Variants in GLIS3 observed in about 807,000 individuals in gnomAD.
The protein encoded by GLIS3 is GLIS family zinc finger 3.
Under a neutral mutation model 78.6 loss-of-function variants are expected in GLIS3, and 53 were observed. That is an observed-to-expected ratio of 0.67 (90% confidence interval 0.54 to 0.85). The LOEUF is 0.85. Among genes scored for constraint, GLIS3 ranks in the 40% least tolerant of loss-of-function variants. The pLI, the probability that GLIS3 is intolerant of heterozygous loss-of-function variation, is 0.00. For missense variants in GLIS3, 1,703 were observed against 1,231.1 expected (o/e 1.38, Z -5.74); for synonymous variants, 684 against 509.9 (o/e 1.34, Z -4.60).
At chr9:4,156,205 C>A (rs916742561) in intron 2 of GLIS3, among the ~76,000 whole-genome samples, 6 of 152,264 alleles carry the variant, frequency 3.9e-5, no homozygotes, top group African/African-American at 1.4e-4. Flanking sequence ...CATGACAAAA[C>A]AAACTCTCCT....
Position 3,937,069 on chromosome 9 carries a change from A to T in GLIS3, c.1831T>A (p.Ser611Thr), listed in dbSNP as rs751692334. Residue 611 changes from serine to threonine, a missense_variant, in exon 5 of 11, where the codon TCC (serine) becomes ACC (threonine). Physicochemically the swap from Ser to Thr is moderately conservative, Grantham distance 58. Transcript: ENST00000381971. Reference sequence around the variant, plus strand: ...CGCTGGTGTTTGGCGCGGTCACTGGAGTTACTGAAGGCCTTCTGACAACCC... The same window carrying T: ...CGCTGGTGTTTGGCGCGGTCACTGGTGTTACTGAAGGCCTTCTGACAACCC... The part of the protein sequence containing the change: ...HPGCQKAFSN[S>T]SDRAKHQRTH... 6.2e-7 allele frequency: 1 copy of T among 1,613,628 alleles called. No individual in the cohort carries two copies. Among genetic ancestry groups the T allele is most frequent in the East Asian group, 2.2e-5 (1 of 44,882 alleles).
chr9:4,404,481 CTT>C, the GLIS3 span, among the ~76,000 whole-genome samples: 1 of 152,276 alleles, frequency 6.6e-6, no homozygotes, highest in South Asian at 2.1e-4. Context: ...CAGAACAAGT[CTT>C]AAAGCATTCA....
chr9:4,373,108 G>C, the GLIS3 span, among the ~76,000 whole-genome samples: 1 of 152,200 alleles, frequency 6.6e-6, no homozygotes, highest in Non-Finnish European at 1.5e-5. Flanking sequence ...TGTTTCCTAA[G>C]TTCCAAGCAC....
chr9:4,402,352 C>A, the GLIS3 span, among the ~76,000 whole-genome samples: 2 of 152,200 alleles, frequency 1.3e-5, no homozygotes, highest in African/African-American at 4.8e-5. Flanking sequence ...CCAAGAAGAA[C>A]AGGCATAAAC....
intron 4 of GLIS3, among the ~76,000 whole-genome samples, chr9:4,069,213 G>T (rs1269802873): frequency 6.6e-6 from 1 of 152,152 alleles, no homozygotes. Flanking sequence ...CTTTATGGTT[G>T]GGGGAATTAA....
At chr9:4,020,093 G>C (rs774830097) in intron 4 of GLIS3, among the ~76,000 whole-genome samples, 7 of 152,074 alleles carry the variant, frequency 4.6e-5, no homozygotes, top group Non-Finnish European at 1.0e-4. Flanking sequence ...TTATGGAGAA[G>C]GTGACGTCTG....
intron 2 of GLIS3, among the ~76,000 whole-genome samples, chr9:4,160,513 C>T (rs963989934): frequency 6.6e-6 from 1 of 152,210 alleles, no homozygotes; most frequent in South Asian, 2.1e-4. Context: ...AAGTGACATG[C>T]GATACAGGCC....
intron 6 of GLIS3, among the ~76,000 whole-genome samples, chr9:3,929,466 C>T (rs780683123): frequency 5.9e-5 from 9 of 152,122 alleles, no homozygotes; most frequent in Non-Finnish European, 8.8e-5. Context: ...GTCAGGGCAT[C>T]ACTTATGAGA....
At chr9:4,305,276 A>T (rs1220210025) in intron 4 of GLIS3, 1 of 152,246 alleles carries the variant, frequency 6.6e-6, no homozygotes, top group Non-Finnish European at 1.5e-5. Context: ...TGTTGGAAGA[A>T]GAGTGGACTT....
At chr9:4,128,476 C>G (rs76103046) in intron 2 of GLIS3, among the ~76,000 whole-genome samples, 5,552 of 152,260 alleles carry the variant, frequency 0.036, 338 homozygotes, top group African/African-American at 0.13. Context: ...TAAAGTCTAT[C>G]CAGTGAAATT....
At chr9:3,868,052 T>C (rs558841358) in intron 8 of GLIS3, among the ~76,000 whole-genome samples, 4 of 152,228 alleles carry the variant, frequency 2.6e-5, no homozygotes, top group Non-Finnish European at 5.9e-5. Context: ...TTGAGGCTTA[T>C]ATTTGTCTTT....
chr9:4,148,533 C>G (rs1198738706), intron 2 of GLIS3, among the ~76,000 whole-genome samples: 2 of 152,080 alleles, frequency 1.3e-5, no homozygotes, highest in South Asian at 2.1e-4. Context: ...TGGATCAATT[C>G]TACCTCATGT....
intron 4 of GLIS3, among the ~76,000 whole-genome samples, chr9:4,092,092 A>C (rs1160562824): frequency 6.6e-6 from 1 of 152,074 alleles, no homozygotes; most frequent in Non-Finnish European, 1.5e-5. Flanking sequence ...GGCTACACTA[A>C]ATCTATTAAA....
At chr9:4,417,798 A>T in the GLIS3 span, among the ~76,000 whole-genome samples, 3 of 152,198 alleles carry the variant, frequency 2.0e-5, no homozygotes, top group Non-Finnish European at 4.4e-5. Flanking sequence ...TGCCTATCTG[A>T]TAACAAGCCC....
intron 5 of GLIS3, among the ~76,000 whole-genome samples, chr9:3,935,754 C>T (rs1209018687): frequency 6.6e-6 from 1 of 151,898 alleles, no homozygotes; most frequent in African/African-American, 2.4e-5. Context: ...TAGAAAAATC[C>T]CACTATTCAC....
the GLIS3 span, among the ~76,000 whole-genome samples, chr9:4,431,674 A>G: frequency 6.6e-6 from 1 of 152,094 alleles, no homozygotes; most frequent in Non-Finnish European, 1.5e-5. Context: ...GTGAAATCCC[A>G]TCTCTACTAA....
intron 2 of GLIS3, among the ~76,000 whole-genome samples, chr9:4,328,996 A>G (rs1165187354): frequency 6.6e-6 from 1 of 152,204 alleles, no homozygotes; most frequent in Non-Finnish European, 1.5e-5. Flanking sequence ...GTGCACCAAC[A>G]GCATTTGTTA....
At chr9:3,940,648 CAACA>C (rs1411471142) in intron 4 of GLIS3, among the ~76,000 whole-genome samples, 8 of 152,188 alleles carry the variant, frequency 5.3e-5, no homozygotes, top group South Asian at 4.2e-4. Context: ...AAACGTGAAC[CAACA>C]AACAAACTCT....
At chr9:4,206,597 A>G (rs1299647161) in intron 2 of GLIS3, among the ~76,000 whole-genome samples, 1 of 152,242 alleles carries the variant, frequency 6.6e-6, no homozygotes, top group Non-Finnish European at 1.5e-5. Context: ...AGAATACTTT[A>G]TAATCTCTCC....
Sources: allele counts gnomAD v4.1 joint callset (sites outside exome capture counted in the v4.1 genomes callset), GRCh38; gene constraint gnomAD v4.1.1; transcripts MANE v1.5; gene names NCBI Gene and HGNC (gene_info 2026-07-23, HGNC 2026-07-21).